The following SNX7 variants were observed in gnomAD, a reference collection of about 807,000 sequenced individuals.
SNX7 encodes sorting nexin 7.
In SNX7, 35 loss-of-function variants were observed where a neutral mutation model predicts 48.4. That is an observed-to-expected ratio of 0.72 (90% CI 0.55 to 0.96). The LOEUF is 0.96. SNX7 is among the 40% of genes least tolerant of loss of function. SNX7 has a pLI of 0.00. For missense variants in SNX7, 553 were observed against 548.9 expected, an observed-to-expected ratio of 1.01 and a Z score of -0.07; for synonymous variants, 190 against 190.2, an observed-to-expected ratio of 1.00 and a Z score of 0.01.
At chr1:98,758,962 C>T (rs1654989818) in intron 8 of SNX7, among the ~76,000 whole-genome samples, 1 of 151,764 alleles carries the variant, frequency 6.6e-6, no homozygotes, top group South Asian at 2.1e-4. Context: ...TAAGTATATA[C>T]ATACATACTT....
intron 1 of SNX7, among the ~76,000 whole-genome samples, chr1:98,666,736 T>C (rs1005743903): frequency 2.0e-5 from 3 of 152,148 alleles, no homozygotes; most frequent in South Asian, 2.1e-4. Flanking sequence ...CCTTGATCTA[T>C]AGGATATGGT....
intron 7 of SNX7, among the ~76,000 whole-genome samples, chr1:98,730,054 A>G (rs1557826683): frequency 1.3e-5 from 2 of 152,202 alleles, no homozygotes; most frequent in South Asian, 4.1e-4. Flanking sequence ...CAAAAAGCTT[A>G]TCCAGCATGA....
At chr1:98,691,486 A>C in intron 3 of SNX7, 49 bp from the exon 4 acceptor site, 4 of 1,445,178 alleles carry the variant, frequency 2.8e-6, no homozygotes, top group Non-Finnish European at 1.9e-6. Flanking sequence ...TTGCTTATAA[A>C]CCTATGGCTA....
At chr1:98,671,398 TACTG>T (rs1254957546) in intron 1 of SNX7, among the ~76,000 whole-genome samples, 4 of 152,260 alleles carry the variant, frequency 2.6e-5, no homozygotes, top group Admixed American at 2.0e-4. Context: ...TATTAGCAAA[TACTG>T]ACATAAAAAT....
At chr1:98,687,031 T>C (rs1650840152) in intron 2 of SNX7, among the ~76,000 whole-genome samples, 1 of 152,140 alleles carries the variant, frequency 6.6e-6, no homozygotes, top group East Asian at 1.9e-4. Context: ...GAAGTAGTAA[T>C]AGTAGTAGTA....
At chr1:98,664,839 A>G (rs1649452379) in intron 1 of SNX7, among the ~76,000 whole-genome samples, 1 of 152,192 alleles carries the variant, frequency 6.6e-6, no homozygotes, top group Non-Finnish European at 1.5e-5. Flanking sequence ...TGTTAGAAGG[A>G]AGAGAACAGA....
chr1:98,698,674 G>T, intron 5 of SNX7, 32 bp from the exon 6 acceptor site: 1 of 1,573,536 alleles, frequency 6.4e-7, no homozygotes, highest in South Asian at 1.2e-5. Flanking sequence ...TTTGTTTATT[G>T]AAGAGCTTAT....
chr1:98,712,585 C>G (rs1478141034), intron 7 of SNX7, among the ~76,000 whole-genome samples: 2 of 152,112 alleles, frequency 1.3e-5, no homozygotes, highest in Non-Finnish European at 2.9e-5. Context: ...GTCATCCAGG[C>G]TTTGTTATTT....
chr1:98,711,043 A>C (rs1459368066), intron 7 of SNX7, among the ~76,000 whole-genome samples: 1 of 152,066 alleles, frequency 6.6e-6, no homozygotes, highest in Non-Finnish European at 1.5e-5. Context: ...TTGAGACAGA[A>C]TCTAGCTCTG....
At chr1:98,722,224 T>G (rs1183998801) in intron 7 of SNX7, among the ~76,000 whole-genome samples, 2 of 152,132 alleles carry the variant, frequency 1.3e-5, no homozygotes, top group Non-Finnish European at 2.9e-5. Flanking sequence ...GATAACAAAA[T>G]CTGCAGTGGG....
intron 7 of SNX7, among the ~76,000 whole-genome samples, chr1:98,723,528 A>G (rs1008487212): frequency 6.6e-6 from 1 of 152,052 alleles, no homozygotes; most frequent in African/African-American, 2.4e-5. Flanking sequence ...TTAATGATTT[A>G]AGTTATTTTT....
chr1:98,746,037 A>T (rs904572098), intron 8 of SNX7, among the ~76,000 whole-genome samples: 1 of 152,076 alleles, frequency 6.6e-6, no homozygotes, highest in African/African-American at 2.4e-5. Flanking sequence ...AGAAATGATC[A>T]GAGCAAAAGA....
chr1:98,742,155 T>A (rs1654102850), intron 8 of SNX7, among the ~76,000 whole-genome samples: 1 of 152,102 alleles, frequency 6.6e-6, no homozygotes, highest in South Asian at 2.1e-4. Flanking sequence ...TTTTGGTCAT[T>A]TAATGTCTTT....
intron 8 of SNX7, among the ~76,000 whole-genome samples, chr1:98,746,046 G>C (rs1654294007): frequency 6.6e-6 from 1 of 151,904 alleles, no homozygotes; most frequent in African/African-American, 2.4e-5. Flanking sequence ...CAGAGCAAAA[G>C]ATACAGAAAT....
chr1:98,729,473 A>T (rs930201417), intron 7 of SNX7, among the ~76,000 whole-genome samples: 1 of 150,006 alleles, frequency 6.7e-6, no homozygotes, highest in African/African-American at 2.4e-5. Context: ...AACCCTTCAA[A>T]AAATCAGTGA....
At chr1:98,719,231 G>A (rs942266513) in intron 7 of SNX7, among the ~76,000 whole-genome samples, 3 of 152,044 alleles carry the variant, frequency 2.0e-5, no homozygotes, top group Non-Finnish European at 4.4e-5. Context: ...ATATTGCCTG[G>A]CCCATAGGAA....
intron 7 of SNX7, among the ~76,000 whole-genome samples, chr1:98,737,008 G>A (rs1338191223): frequency 6.6e-6 from 1 of 151,802 alleles, no homozygotes; most frequent in African/African-American, 2.4e-5. Context: ...CCTTACCATA[G>A]ACTACATGGC....
intron 8 of SNX7, among the ~76,000 whole-genome samples, chr1:98,757,641 TCCCCA>T (rs1280995005): frequency 1.3e-5 from 2 of 152,124 alleles, no homozygotes; most frequent in East Asian, 3.9e-4. Context: ...AGCTTACTCT[TCCCCA>T]CCCCACCCCA....
intron 7 of SNX7, among the ~76,000 whole-genome samples, chr1:98,729,898 A>T (rs1409239059): frequency 6.6e-6 from 1 of 152,180 alleles, no homozygotes; most frequent in African/African-American, 2.4e-5. Flanking sequence ...ACTCCCCCCT[A>T]ACTCATTTTA....
Sources: gnomAD v4.1 joint callset for allele counts (sites outside exome capture counted in the v4.1 genomes callset) on GRCh38, gnomAD v4.1.1 for gene constraint, MANE v1.5 for transcripts, NCBI Gene and HGNC (gene_info 2026-07-23, HGNC 2026-07-21) for gene names.